The following DCAF5 variants were observed in gnomAD, a reference collection of about 807,000 sequenced individuals.
The protein encoded by DCAF5 is DDB1 and CUL4 associated factor 5, also known as DDB1- and CUL4-associated factor 5.
DCAF5 carries 9 observed loss-of-function variants against 80.7 expected under a neutral mutation model. The ratio of observed to expected loss-of-function variants is 0.11; its 90% CI spans 0.07 to 0.19. The LOEUF is 0.19. Among genes scored for constraint, DCAF5 ranks in the 10% least tolerant of loss-of-function variants. The pLI is 1.00. For synonymous variants in DCAF5, 433 were observed against 461.9 expected, an observed-to-expected ratio of 0.94 and a Z score of 0.80; for missense variants, 842 against 1,205.7, an observed-to-expected ratio of 0.70 and a Z score of 4.47.
intron 8 of DCAF5, among the ~76,000 whole-genome samples, chr14:69,062,045 CCTTT>C (rs113190407): frequency 5.9e-5 from 9 of 151,542 alleles, no homozygotes; most frequent in African/African-American, 1.2e-4. Flanking sequence ...TTTTAAATCA[CCTTT>C]CTTTCTTCTT....
At chr14:69,093,389 C>T (rs2039596014) in intron 5 of DCAF5, among the ~76,000 whole-genome samples, 1 of 152,070 alleles carries the variant, frequency 6.6e-6, no homozygotes, top group Admixed American at 6.5e-5. Context: ...TGAAAAGGGC[C>T]TCAAGATGCC....
In DCAF5 at chr14:69,152,990, C is replaced by A; in HGVS notation, c.-12G>T. The A allele has an allele frequency of 6.5e-7, 1 of 1,545,856 alleles. No homozygotes were observed. The highest frequency in any genetic ancestry group is 8.7e-7 in the Non-Finnish European group (1 of 1,151,902). Reference sequence around the variant, plus strand: ...GCTCTCCTCTTCATGCTGGAACCGCCGCCGCCGCCGCTCGCGCCGCCGCCC... The same window carrying A: ...GCTCTCCTCTTCATGCTGGAACCGCAGCCGCCGCCGCTCGCGCCGCCGCCC... On this transcript the variant is annotated 5_prime_UTR_variant, in exon 1 of 9. Coordinates refer to ENST00000341516, the MANE Select transcript of DCAF5 (RefSeq NM_003861.3). The surrounding 1 kb of genome is among the most constrained non-coding windows in gnomAD (Gnocchi z 4.1).
chr14:69,099,295 C>CAT (rs1159583829), intron 5 of DCAF5, among the ~76,000 whole-genome samples: 85 of 137,366 alleles, frequency 6.2e-4, no homozygotes, highest in Admixed American at 1.8e-3. Context: ...CACACACACA[C>CAT]ACACAACTAA....
rs375891113 is a variant in DCAF5, at chr14:69,116,356, G to C, written c.665+10C>G. The C allele has an allele frequency of 2.6e-4, 426 of 1,610,316 alleles. No individual in the cohort carries two copies. The highest frequency in any genetic ancestry group is 3.3e-4 in the Non-Finnish European group (391 of 1,177,820). ...GAAAGTTTTAACACCTATGAATAAAGGGGGCTCACCTCTGAGGTTTTCGAA... is the reference window on the plus strand; with the variant it reads ...GAAAGTTTTAACACCTATGAATAAACGGGGCTCACCTCTGAGGTTTTCGAA... On this transcript the variant is annotated intron_variant, in intron 5 of 8. Transcript: ENST00000341516.
intron 5 of DCAF5, among the ~76,000 whole-genome samples, chr14:69,112,477 A>G (rs756243946): frequency 6.6e-6 from 1 of 152,040 alleles, no homozygotes. Context: ...GCTCATGCCT[A>G]TAATTCCATC....
chr14:69,067,935 C>G (rs1366082856), intron 7 of DCAF5, among the ~76,000 whole-genome samples: 1 of 152,146 alleles, frequency 6.6e-6, no homozygotes, highest in Non-Finnish European at 1.5e-5. Context: ...GCACCTGGCC[C>G]AGATATTCTT....
chr14:69,146,258 G>T (rs190439636), intron 1 of DCAF5, among the ~76,000 whole-genome samples: 95 of 152,298 alleles, frequency 6.2e-4, no homozygotes, highest in South Asian at 2.1e-3. Context: ...ACTTTTTGAT[G>T]TATTAATAAC....
At chr14:69,061,450 G>A (rs1405835492) in intron 8 of DCAF5, among the ~76,000 whole-genome samples, 1 of 152,188 alleles carries the variant, frequency 6.6e-6, no homozygotes, top group African/African-American at 2.4e-5. Context: ...GATGGGCAGT[G>A]GGTCATCCTT....
At chr14:69,059,341 C>A (rs979657472) in intron 8 of DCAF5, among the ~76,000 whole-genome samples, 1 of 152,130 alleles carries the variant, frequency 6.6e-6, no homozygotes, top group Non-Finnish European at 1.5e-5. Flanking sequence ...CAGTAAAGGA[C>A]AAGGACAGAA....
At chr14:69,141,677 A>C (rs1414332390) in intron 1 of DCAF5, among the ~76,000 whole-genome samples, 1 of 152,198 alleles carries the variant, frequency 6.6e-6, no homozygotes, top group Non-Finnish European at 1.5e-5. Flanking sequence ...CCAACAATCA[A>C]CAAGGCAGGC....
intron 1 of DCAF5, among the ~76,000 whole-genome samples, chr14:69,139,979 A>ATTCT (rs2041315842): frequency 3.9e-5 from 6 of 151,968 alleles, no homozygotes; most frequent in African/African-American, 1.5e-4. Context: ...AGAAAAGAGA[A>ATTCT]GACAGAGAGG....
intron 1 of DCAF5, among the ~76,000 whole-genome samples, chr14:69,126,547 T>C (rs983584535): frequency 6.6e-6 from 1 of 152,212 alleles, no homozygotes; most frequent in Non-Finnish European, 1.5e-5. Context: ...ATTCATTTTA[T>C]GCATATCAGC....
Position 69,152,986 on chromosome 14 carries a change from CCGCCGCCGCCGCCGCTCG to C in DCAF5, c.-26_-9del. The C allele has an allele frequency of 2.0e-6, 3 of 1,511,522 alleles. No individual in the cohort carries two copies. The highest frequency in any genetic ancestry group is 2.5e-5 in the South Asian group (2 of 80,144). 93.6% of individuals were successfully genotyped at this position (1,511,522 alleles called of 1,614,324 possible). On this transcript the variant is annotated 5_prime_UTR_variant, in exon 1 of 9. Transcript: ENST00000341516. This position sits in a 1 kb window ranked among gnomAD's most constrained non-coding sequence, Gnocchi z 4.1. ...GCCAGCTCTCCTCTTCATGCTGGAA[CCGCCGCCGCCGCCGCTCG>C]CGCCGCCGCCCCTCCCTCGGCCTCA...
chr14:69,093,321 G>A (rs980157374), intron 5 of DCAF5, among the ~76,000 whole-genome samples: 1 of 152,182 alleles, frequency 6.6e-6, no homozygotes, highest in Non-Finnish European at 1.5e-5. Context: ...TCATGGATAG[G>A]TAGTGATCCC....
At chr14:69,083,891 C>T (rs1267410811) in intron 6 of DCAF5, 3 of 772,576 alleles carry the variant, frequency 3.9e-6, no homozygotes. Flanking sequence ...CTGGGACTGA[C>T]AGGAGCTTTT....
chr14:69,082,469 A>AATTC (rs931614758), intron 6 of DCAF5, among the ~76,000 whole-genome samples: 4 of 151,374 alleles, frequency 2.6e-5, no homozygotes, highest in Non-Finnish European at 5.9e-5. Flanking sequence ...AAATTCTATT[A>AATTC]AGGAATATTC....
chr14:69,083,023 T>C (rs12586650), intron 6 of DCAF5, among the ~76,000 whole-genome samples: 35,398 of 152,192 alleles, frequency 0.23, 6,015 homozygotes, highest in East Asian at 0.83. Context: ...TCACCTTGTG[T>C]TCCTTTACAA....
At chr14:69,087,506 T>G (rs377483413) in intron 6 of DCAF5, among the ~76,000 whole-genome samples, 2 of 152,234 alleles carry the variant, frequency 1.3e-5, no homozygotes, top group East Asian at 3.8e-4. Flanking sequence ...TAGTTAAGGC[T>G]AATTGCTTCT....
rs927192037 is a variant in DCAF5 at position 69,053,184 on chromosome 14, C to T, written c.*673G>A. ...CTTGAATCTGATCTTAAGTGCTAAA[C>T]CTCTCATTAGCATTAAAAATTCTTT... is the stretch of plus-strand genomic sequence containing the variant. On this transcript the variant is annotated 3_prime_UTR_variant, in exon 9 of 9. Coordinates refer to ENST00000341516, the MANE Select transcript of DCAF5 (RefSeq NM_003861.3). 1.3e-5 allele frequency: 2 copies of T among 152,246 alleles called. No individual in the cohort carries two copies. The highest frequency in any genetic ancestry group is 1.3e-4 in the Admixed American group (2 of 15,282). The allele number at this position is 152,246 out of a possible 1,614,324, so 9.4% of individuals were successfully genotyped here.
Sources: gnomAD v4.1 joint callset for allele counts (sites outside exome capture counted in the v4.1 genomes callset) on GRCh38, gnomAD v4.1.1 for gene constraint, Gnocchi (gnomAD v3.1) non-coding constraint, MANE v1.5 for transcripts, NCBI Gene and HGNC (gene_info 2026-07-23, HGNC 2026-07-21) for gene names.